DUS1L: variants seen among roughly 807,000 people sequenced by gnomAD.
DUS1L encodes the protein dihydrouridine synthase 1 like.
Under a neutral mutation model 61.2 loss-of-function variants are expected in DUS1L, and 56 were observed. That is an observed-to-expected ratio of 0.92 (90% CI 0.74 to 1.14). DUS1L has a LOEUF of 1.14. Among genes scored for constraint, DUS1L ranks in the 50% most tolerant of loss-of-function variants. The probability of loss-of-function intolerance (pLI) is 0.00; values close to 1 mark genes in which losing one functional copy is unlikely to be tolerated. For synonymous variants in DUS1L, 278 were observed against 259.5 expected (o/e 1.07, Z -0.69); for missense variants, 630 against 632.4 (o/e 1.00, Z 0.04).
chr17:82,058,637 C>T (rs778391841), intron 12 of DUS1L, 144 bp downstream of exon 12: 23 of 1,518,898 alleles, frequency 1.5e-5, no homozygotes, highest in African/African-American at 5.5e-5. Flanking sequence ...AGCAAGGGGC[C>T]GTCCTGAGGC....
chr17:82,064,197 G>A lies in DUS1L; in HGVS notation c.275C>T (p.Ala92Val), dbSNP rs779133392. ...ANDPEVFVQA[A>V]LLAQDYCDAI... The stretch of plus-strand genomic sequence containing the variant: ...GTCACAGTAATCCTGAGCCAGGAGA[G>A]CCGCCTGAACAAACACCTCCGGGTC... Residue 92 changes from alanine (A) to valine (V), a missense_variant, in exon 3 of 14, where the codon GCT becomes GTT. Physicochemically the swap from Ala to Val is moderately conservative, Grantham distance 64. Transcript: ENST00000306796. 1 of 1,612,496 alleles carries A rather than the reference G, an allele frequency of 6.2e-7. No individual in the cohort carries two copies. The highest frequency in any genetic ancestry group is 1.3e-5 in the African/African-American group (1 of 74,924).
chr17:82,063,242 G>T, intron 4 of DUS1L: 1 of 652,374 alleles, frequency 1.5e-6, no homozygotes, highest in Non-Finnish European at 2.6e-6. Context: ...CAAGGACTCT[G>T]CCCTGGCACC....
intron 10 of DUS1L, 179 bp from the exon 11 acceptor site, chr17:82,060,272 G>T: frequency 3.8e-6 from 3 of 791,278 alleles, no homozygotes; most frequent in Non-Finnish European, 5.8e-6. Context: ...GGAGTCCGGG[G>T]CCTCTGAGAT....
At position 82,058,324 on chromosome 17, in the gene DUS1L, G is replaced by C. The variant is rs2033179010; in HGVS notation, c.1282+17C>G. 6.6e-7 allele frequency: 1 copy of C among 1,515,778 alleles called. No homozygotes were observed. Among genetic ancestry groups the C allele is most frequent in the Admixed American group, 2.1e-5 (1 of 46,746 alleles). The allele number at this position is 1,515,778 out of a possible 1,614,324, so 93.9% of individuals were successfully genotyped here. A position where few individuals can be genotyped will look rare whatever the true frequency, so the allele number is the denominator to read the frequency against. On this transcript the variant is annotated intron_variant, in intron 13 of 13. Transcript: ENST00000306796. ...GGTCTGTTTGCCTGCTGCGGGGCGG[G>C]TGGTAGGCGCCCTCACCTGGGCAGT...
intron 10 of DUS1L, 133 bp downstream of exon 10, chr17:82,060,568 T>TC: frequency 8.3e-7 from 1 of 1,208,702 alleles, no homozygotes; most frequent in South Asian, 1.5e-5. Flanking sequence ...GAGGCCTCCC[T>TC]CCTCCTTTCC....
chr17:82,061,791 G>A, intron 6 of DUS1L, 70 bp from the exon 7 acceptor site: 1 of 1,594,136 alleles, frequency 6.3e-7, no homozygotes, highest in Non-Finnish European at 8.6e-7. Flanking sequence ...CCCAGCCACG[G>A]CCCCCTGGGT....
At chr17:82,058,467 A>C in intron 12 of DUS1L, 51 bp from the exon 13 acceptor site, 1 of 1,477,346 alleles carries the variant, frequency 6.8e-7, no homozygotes. Flanking sequence ...TCCCGGGGCC[A>C]GGCTGGCCAG....
intron 12 of DUS1L, 21 bp from the exon 13 acceptor site, chr17:82,058,437 G>A (rs1338000670): frequency 1.4e-6 from 2 of 1,479,706 alleles, no homozygotes; most frequent in Non-Finnish European, 1.8e-6. Context: ...GAAATCTCGG[G>A]AGCCTGTGGC....
intron 8 of DUS1L, 98 bp downstream of exon 8, chr17:82,061,111 G>C: frequency 6.4e-7 from 1 of 1,550,400 alleles, no homozygotes; most frequent in Non-Finnish European, 8.7e-7. Flanking sequence ...TTAGCAGCAA[G>C]TTGTTTTGAC....
chr17:82,059,802 T>G (rs1175193663), intron 11 of DUS1L, 146 bp downstream of exon 11: 45 of 1,197,752 alleles, frequency 3.8e-5, no homozygotes, highest in Non-Finnish European at 4.9e-5. Context: ...TCTGGCTGAC[T>G]ACTCCGCCAA....
At position 82,064,135 on chromosome 17, in the gene DUS1L, C is replaced by T; in HGVS notation, c.337G>A (p.Ala113Thr). Residue 113 changes from alanine to threonine, a missense_variant, in exon 3 of 14, where the codon GCC becomes ACC. Transcript: ENST00000306796. ...TCCACATGGAGCTCACCTCTCTTGGCTATCATCTGTGGGCAGCCCAAGTTC... is the reference window on the plus strand; with the variant it reads ...TCCACATGGAGCTCACCTCTCTTGGTTATCATCTGTGGGCAGCCCAAGTTC... ...DLNLGCPQMI[A>T]KRGHYGAFLQ... The T allele has an allele frequency of 6.2e-7, 1 of 1,612,196 alleles. No individual in the cohort carries two copies. Among genetic ancestry groups the T allele is most frequent in the Non-Finnish European group, 8.5e-7 (1 of 1,179,732 alleles).
rs2144728808 is a variant in DUS1L at position 82,060,894 on chromosome 17, C to T, written c.910G>A (p.Val304Met). ...KVKTLEGIAA[V>M]SQELKLRCQE... ...CACCGCAGCTTCAGCTCCTGGCTCA[C>T]AGCAGCGATGCCCTCCAGGGTCTTC... is the stretch of plus-strand genomic sequence containing the variant. Residue 304 changes from valine (V) to methionine (M), a missense_variant, in exon 9 of 14, where the codon GTG (valine) becomes ATG (methionine). By Grantham distance (21) the Val-to-Met change is conservative. Coordinates refer to ENST00000306796, the MANE Select transcript of DUS1L (RefSeq NM_022156.5). 1.2e-6 allele frequency: 2 copies of T among 1,611,806 alleles called. No individual in the cohort carries two copies. The highest frequency in any genetic ancestry group is 1.6e-4 in the Middle Eastern group (1 of 6,062).
At chr17:82,059,077 G>T in intron 11 of DUS1L, 1 of 550,352 alleles carries the variant, frequency 1.8e-6, no homozygotes, top group Non-Finnish European at 3.3e-6. Flanking sequence ...GCCGCCGCAG[G>T]ACGAGCAGCC....
At chr17:82,061,055 C>T in intron 8 of DUS1L, 94 bp from the exon 9 acceptor site, 1 of 1,538,356 alleles carries the variant, frequency 6.5e-7, no homozygotes. Context: ...GTGTCTCTTC[C>T]TGCCCAACTC....
Position 82,065,137 on chromosome 17 carries a change from C to T in DUS1L, c.-10-68G>A, listed in dbSNP as rs2033709483. The T allele has an allele frequency of 2.9e-6, 4 of 1,402,594 alleles. No individual in the cohort carries two copies. In the African/African-American group the frequency reaches 4.3e-5, roughly 15 times the overall value. 86.9% of individuals were successfully genotyped at this position (1,402,594 alleles called of 1,614,324 possible). ...AGGGGCTTAAGACTCAACTCAGAGGCAGCGGTCACCCTTCTAAGGCCGCTC... is the reference window on the plus strand; with the variant it reads ...AGGGGCTTAAGACTCAACTCAGAGGTAGCGGTCACCCTTCTAAGGCCGCTC... On this transcript the variant is annotated intron_variant, in intron 1 of 13. Transcript: ENST00000306796.
chr17:82,062,271 G>A (rs2033545177), intron 5 of DUS1L, among the ~76,000 whole-genome samples: 1 of 152,218 alleles, frequency 6.6e-6, no homozygotes, highest in Non-Finnish European at 1.5e-5. Context: ...GCCGGGAAGT[G>A]GCAGCATCCC....
At chr17:82,064,090 T>C (rs1274746419) in intron 3 of DUS1L, 36 bp downstream of exon 3, 3 of 1,586,116 alleles carry the variant, frequency 1.9e-6, no homozygotes, top group Non-Finnish European at 1.7e-6. Flanking sequence ...CTCTGGCCCC[T>C]GCCCCAGGTG....
intron 5 of DUS1L, 71 bp downstream of exon 5, chr17:82,062,790 G>A: frequency 1.5e-6 from 2 of 1,350,010 alleles, no homozygotes. Context: ...GACACAGGAA[G>A]AGCCTCAGCT....
In DUS1L at chr17:82,063,566, G is replaced by A. The variant is rs201181361; in HGVS notation, c.347-48C>T. 4 of 1,611,294 alleles carry A rather than the reference G, an allele frequency of 2.5e-6. No homozygotes were observed. In the East Asian group the frequency reaches 8.9e-5, roughly 36 times the overall value. ...GGCTGGCACCTGTGTTAAGGCTGGTGGGGCCGAAGCCTTGCACCCCCTCTG... is the reference window on the plus strand; with the variant it reads ...GGCTGGCACCTGTGTTAAGGCTGGTAGGGCCGAAGCCTTGCACCCCCTCTG... On this transcript the variant is annotated intron_variant, in intron 3 of 13. Coordinates refer to ENST00000306796, the MANE Select transcript of DUS1L (RefSeq NM_022156.5).
Sources: allele counts gnomAD v4.1 joint callset (sites outside exome capture counted in the v4.1 genomes callset), GRCh38; gene constraint gnomAD v4.1.1; transcripts MANE v1.5; gene names NCBI Gene and HGNC (gene_info 2026-07-23, HGNC 2026-07-21).